Variants in DLGAP1 observed in about 807,000 individuals in gnomAD.
DLGAP1 encodes the protein DLG associated protein 1, also known as disks large-associated protein 1.
In DLGAP1, 11 loss-of-function variants were observed where a neutral mutation model predicts 90.8. That is an observed-to-expected ratio of 0.12 (90% CI 0.08 to 0.20). DLGAP1 has a LOEUF of 0.20. DLGAP1 is among the 10% of genes least tolerant of loss of function. DLGAP1 has a pLI of 1.00. For synonymous variants in DLGAP1, 558 were observed against 540.7 expected (o/e 1.03, Z -0.44); for missense variants, 1,050 against 1,333.8 (o/e 0.79, Z 3.31).
intron 5 of DLGAP1, among the ~76,000 whole-genome samples, chr18:3,772,245 C>T (rs1020389216): frequency 6.7e-6 from 1 of 148,946 alleles, no homozygotes; most frequent in Non-Finnish European, 1.5e-5. Flanking sequence ...CTCCTTCCTT[C>T]TTTCCTTCCT....
intron 1 of DLGAP1, among the ~76,000 whole-genome samples, chr18:4,368,951 T>C (rs1407958772): frequency 1.3e-5 from 2 of 152,146 alleles, no homozygotes; most frequent in East Asian, 1.9e-4. Context: ...CAAATATCGA[T>C]GAGCAGTAAC....
At chr18:3,802,834 C>A (rs1220511881) in intron 5 of DLGAP1, among the ~76,000 whole-genome samples, 1 of 152,144 alleles carries the variant, frequency 6.6e-6, no homozygotes, top group Non-Finnish European at 1.5e-5. Context: ...AGTGAGATGA[C>A]TTGGGTCCTA....
Position 3,832,652 on chromosome 18 carries a change from G to A in DLGAP1, c.958-18379C>T, listed in dbSNP as rs1463110685. 3.3e-5 allele frequency among the ~76,000 whole-genome samples: 5 copies of A among 151,552 alleles called. No homozygotes were observed. In the East Asian group the frequency reaches 7.7e-4, roughly 23 times the overall value. On this transcript the variant is annotated intron_variant, in intron 4 of 12. Coordinates refer to ENST00000315677, the MANE Select transcript of DLGAP1 (RefSeq NM_004746.4). ...AAAAAAAAATGTTTTGTGTTGGAAC[G>A]GCCACAGAGAACCTTCTTTTTTTTT...
intron 2 of DLGAP1, among the ~76,000 whole-genome samples, chr18:4,015,867 C>T (rs545804741): frequency 3.3e-5 from 5 of 152,270 alleles, no homozygotes; most frequent in African/African-American, 1.2e-4. Flanking sequence ...CAATCTATCC[C>T]ACTGTTGAGC....
intron 2 of DLGAP1, among the ~76,000 whole-genome samples, chr18:4,015,117 G>A (rs1422320953): frequency 6.6e-6 from 1 of 152,146 alleles, no homozygotes; most frequent in Non-Finnish European, 1.5e-5. Context: ...TCCTGACGGT[G>A]ACTCTTCTGT....
At position 4,188,064 on chromosome 18, in the gene DLGAP1, A is replaced by G. The variant is rs1394331800; in HGVS notation, c.-266-36777T>C. On this transcript the variant is annotated intron_variant, in intron 1 of 12. Coordinates refer to ENST00000315677, the MANE Select transcript of DLGAP1 (RefSeq NM_004746.4). ...TTTAATTTTATTGTTTTAAGAAAAAATTCTATAACAAATTTAAATCAAAAG... is the reference window on the plus strand; with the variant it reads ...TTTAATTTTATTGTTTTAAGAAAAAGTTCTATAACAAATTTAAATCAAAAG... Among the ~76,000 whole-genome samples the G allele has an allele frequency of 2.6e-5, 4 of 152,216 alleles. No homozygotes were observed. In the East Asian group the frequency reaches 7.7e-4, roughly 29 times the overall value.
intron 3 of DLGAP1, among the ~76,000 whole-genome samples, chr18:3,898,545 G>A (rs767330888): frequency 2.0e-4 from 31 of 152,112 alleles, no homozygotes; most frequent in Non-Finnish European, 4.1e-4. Flanking sequence ...GTTACCTTTT[G>A]TCACTCAACA....
chr18:4,303,592 C>T (rs2080179518), intron 1 of DLGAP1, among the ~76,000 whole-genome samples: 1 of 152,184 alleles, frequency 6.6e-6, no homozygotes, highest in Non-Finnish European at 1.5e-5. Flanking sequence ...TTTCTCCAAA[C>T]TGGCCAATGT....
intron 8 of DLGAP1, among the ~76,000 whole-genome samples, chr18:3,569,131 A>G (rs552276800): frequency 6.6e-6 from 1 of 151,650 alleles, no homozygotes; most frequent in South Asian, 2.1e-4. Context: ...CCTCCCGAGT[A>G]GCTGAAATTA....
intron 7 of DLGAP1, among the ~76,000 whole-genome samples, chr18:3,589,183 G>A (rs755118410): frequency 2.0e-5 from 3 of 151,940 alleles, no homozygotes; most frequent in African/African-American, 4.8e-5. Flanking sequence ...ATGAAACTCC[G>A]TCTGAAAAAA....
At chr18:3,818,246 T>C (rs965304983) in intron 4 of DLGAP1, among the ~76,000 whole-genome samples, 1 of 151,840 alleles carries the variant, frequency 6.6e-6, no homozygotes, top group Non-Finnish European at 1.5e-5. Flanking sequence ...ACTGAAACCA[T>C]ATGTTATCAT....
chr18:4,000,274 C>A (rs1334724018), intron 3 of DLGAP1, among the ~76,000 whole-genome samples: 1 of 151,988 alleles, frequency 6.6e-6, no homozygotes, highest in African/African-American at 2.4e-5. Context: ...TAGCTAATAA[C>A]CCCTTCTTCA....
chr18:4,008,425 T>C (rs1172791743), intron 2 of DLGAP1, among the ~76,000 whole-genome samples: 1 of 152,174 alleles, frequency 6.6e-6, no homozygotes, highest in Non-Finnish European at 1.5e-5. Flanking sequence ...CATATAGTTA[T>C]TATCTTTGAA....
intron 3 of DLGAP1, among the ~76,000 whole-genome samples, chr18:3,933,616 A>G (rs1362403092): frequency 1.3e-5 from 2 of 152,148 alleles, no homozygotes; most frequent in South Asian, 4.2e-4. Flanking sequence ...CTGGCTGTCT[A>G]TTGTTCCTTT....
intron 9 of DLGAP1, among the ~76,000 whole-genome samples, chr18:3,564,823 A>G (rs1299208382): frequency 6.6e-6 from 1 of 152,126 alleles, no homozygotes; most frequent in Non-Finnish European, 1.5e-5. Context: ...TGTTTTTCCA[A>G]TTTTGGGAGA....
intron 1 of DLGAP1, among the ~76,000 whole-genome samples, chr18:4,219,955 C>T (rs917984526): frequency 6.6e-6 from 1 of 152,012 alleles, no homozygotes; most frequent in Admixed American, 6.6e-5. Flanking sequence ...ATTGTTTTGG[C>T]TATTCTAGGT....
intron 3 of DLGAP1, among the ~76,000 whole-genome samples, chr18:3,977,361 T>G (rs183632036): frequency 3.8e-4 from 58 of 152,106 alleles, no homozygotes; most frequent in African/African-American, 1.3e-3. Flanking sequence ...TGTGAGTCAC[T>G]TTGCCCGGCC....
At chr18:3,961,984 A>G (rs1421961186) in intron 3 of DLGAP1, among the ~76,000 whole-genome samples, 1 of 152,228 alleles carries the variant, frequency 6.6e-6, no homozygotes, top group African/African-American at 2.4e-5. Context: ...CATACAGTAA[A>G]GGATCCCTTC....
intron 2 of DLGAP1, among the ~76,000 whole-genome samples, chr18:4,129,254 C>T (rs1396414604): frequency 4.2e-5 from 6 of 143,206 alleles, no homozygotes; most frequent in South Asian, 2.3e-4. Context: ...GCAATGAAGA[C>T]GGGTAGCACC....
Sources: allele counts gnomAD v4.1 joint callset (sites outside exome capture counted in the v4.1 genomes callset), GRCh38; gene constraint gnomAD v4.1.1; transcripts MANE v1.5; gene names NCBI Gene and HGNC (gene_info 2026-07-23, HGNC 2026-07-21).